WDR70: variants seen among roughly 807,000 people sequenced by gnomAD.
WDR70 encodes the protein WD repeat-containing protein 70.
WDR70 carries 53 observed loss-of-function variants against 88.6 expected under a neutral mutation model. The ratio of observed to expected loss-of-function variants is 0.60; its 90% confidence interval spans 0.48 to 0.75. The LOEUF (loss-of-function observed/expected upper bound fraction) is 0.75. WDR70 is among the 30% of genes least tolerant of loss of function. The pLI is 0.00. For missense variants in WDR70, 610 were observed against 823.2 expected, an observed-to-expected ratio of 0.74 and a Z score of 3.17; for synonymous variants, 280 against 270.0, an observed-to-expected ratio of 1.04 and a Z score of -0.36.
intron 13 of WDR70, among the ~76,000 whole-genome samples, chr5:37,705,203 T>C (rs982805479): frequency 6.6e-6 from 1 of 152,082 alleles, no homozygotes; most frequent in African/African-American, 2.4e-5. Flanking sequence ...GAAGAGACAG[T>C]TTTGGTAAAA....
At chr5:37,531,942 G>T (rs900325619) in intron 9 of WDR70, among the ~76,000 whole-genome samples, 3 of 152,016 alleles carry the variant, frequency 2.0e-5, no homozygotes, top group African/African-American at 7.2e-5. Context: ...AGTTCTTGTA[G>T]TGTTGGCCTG....
intron 9 of WDR70, among the ~76,000 whole-genome samples, chr5:37,596,032 T>A (rs1743690260): frequency 6.6e-6 from 1 of 152,184 alleles, no homozygotes. Flanking sequence ...GGGGTTTTGT[T>A]TATAAATTAC....
intron 10 of WDR70, among the ~76,000 whole-genome samples, chr5:37,696,358 T>G (rs1009602425): frequency 1.3e-5 from 2 of 152,196 alleles, no homozygotes; most frequent in African/African-American, 4.8e-5. Context: ...CCTGCTTTTG[T>G]AAGGTGGTGT....
At chr5:37,566,261 A>G (rs1742737806) in intron 9 of WDR70, among the ~76,000 whole-genome samples, 1 of 151,752 alleles carries the variant, frequency 6.6e-6, no homozygotes, top group African/African-American at 2.4e-5. Flanking sequence ...TGCATTAAAT[A>G]CTTGTTAGTA....
At chr5:37,411,945 CTTTT>C (rs918351626) in intron 5 of WDR70, among the ~76,000 whole-genome samples, 1 of 151,430 alleles carries the variant, frequency 6.6e-6, no homozygotes, top group African/African-American at 2.4e-5. Context: ...TTTTGATAAA[CTTTT>C]TTTTACTTAT....
At chr5:37,572,545 AACAT>A (rs1448343653) in intron 9 of WDR70, among the ~76,000 whole-genome samples, 1 of 152,072 alleles carries the variant, frequency 6.6e-6, no homozygotes, top group African/African-American at 2.4e-5. Flanking sequence ...TCAGAGGAGA[AACAT>A]ACATTGTACC....
intron 9 of WDR70, among the ~76,000 whole-genome samples, chr5:37,600,640 A>C (rs1174158892): frequency 6.6e-6 from 1 of 152,224 alleles, no homozygotes; most frequent in Non-Finnish European, 1.5e-5. Context: ...CAAATGCCCA[A>C]TAAGCACACG....
rs998968935 is a variant in WDR70, at chr5:37,591,244, A to C, written c.918-13820A>C. The stretch of plus-strand genomic sequence containing the variant: ...GCTACTTGGGAGGCCAAGGCAGGAG[A>C]ATCTCTCGAACCTGGGAGGTGGAGG... On this transcript the variant is annotated intron_variant, in intron 9 of 17. Transcript: ENST00000265107. Among the ~76,000 whole-genome samples the C allele has an allele frequency of 2.0e-5, 3 of 152,138 alleles. No individual in the cohort carries two copies. In the East Asian group the frequency reaches 5.8e-4, roughly 29 times the overall value.
intron 5 of WDR70, among the ~76,000 whole-genome samples, chr5:37,431,061 C>CT (rs1397972630): frequency 6.6e-6 from 1 of 152,120 alleles, no homozygotes; most frequent in Non-Finnish European, 1.5e-5. Context: ...ACTGTGTTGG[C>CT]TAGGCTGGTC....
chr5:37,685,944 G>A (rs559847847), intron 10 of WDR70, among the ~76,000 whole-genome samples: 57 of 152,170 alleles, frequency 3.7e-4, no homozygotes, highest in African/African-American at 9.9e-4. Context: ...CTGTCTACTC[G>A]CAGTGTCTTC....
In WDR70 at chr5:37,720,302, A is replaced by G. The variant is rs187249744; in HGVS notation, c.1417-813A>G. ...CAGAGTGAGTTCTATAGAACCTAGT[A>G]CATGGGGTTTCTGTTTACTAACATT... On this transcript the variant is annotated intron_variant, in intron 13 of 17. Coordinates refer to ENST00000265107, the MANE Select transcript of WDR70 (RefSeq NM_018034.4). Among the ~76,000 whole-genome samples the G allele has an allele frequency of 1.1e-3, 175 of 152,292 alleles. 1 individual carries two copies. The highest frequency in any genetic ancestry group is 2.1e-3 in the Non-Finnish European group (141 of 68,014).
intron 7 of WDR70, among the ~76,000 whole-genome samples, chr5:37,456,138 A>G (rs1011661253): frequency 1.3e-5 from 2 of 152,206 alleles, no homozygotes; most frequent in African/African-American, 4.8e-5. Context: ...TTGCTTTGTC[A>G]GATGATATGT....
intron 8 of WDR70, among the ~76,000 whole-genome samples, chr5:37,505,375 A>G (rs1369314483): frequency 6.6e-6 from 1 of 152,150 alleles, no homozygotes; most frequent in Non-Finnish European, 1.5e-5. Flanking sequence ...GTGTAAATAG[A>G]TAGAATTGCT....
At chr5:37,503,063 A>G (rs1328093857) in intron 8 of WDR70, among the ~76,000 whole-genome samples, 1 of 152,124 alleles carries the variant, frequency 6.6e-6, no homozygotes, top group Non-Finnish European at 1.5e-5. Context: ...ATGGTCAGTT[A>G]TCTTTTTGAT....
intron 3 of WDR70, among the ~76,000 whole-genome samples, chr5:37,388,407 C>T (rs575903565): frequency 7.5e-5 from 11 of 146,136 alleles, no homozygotes; most frequent in Non-Finnish European, 1.0e-4. Context: ...TGAGCCACCA[C>T]GCCCAGCTGA....
At chr5:37,611,422 G>A (rs1479940405) in intron 10 of WDR70, among the ~76,000 whole-genome samples, 1 of 151,970 alleles carries the variant, frequency 6.6e-6, no homozygotes, top group Non-Finnish European at 1.5e-5. Context: ...TTGTTAGCAA[G>A]AAGGAAGAAT....
chr5:37,732,186 C>T (rs1405241127), intron 17 of WDR70, among the ~76,000 whole-genome samples: 1 of 152,026 alleles, frequency 6.6e-6, no homozygotes, highest in Non-Finnish European at 1.5e-5. Flanking sequence ...CCAACTGCCT[C>T]AATTTATTAT....
At chr5:37,659,232 A>G (rs941882463) in intron 10 of WDR70, among the ~76,000 whole-genome samples, 1 of 152,248 alleles carries the variant, frequency 6.6e-6, no homozygotes, top group Admixed American at 6.5e-5. Context: ...AAATAGATTA[A>G]TACTTCCTAG....
chr5:37,740,591 A>C (rs1221597808), intron 17 of WDR70, among the ~76,000 whole-genome samples: 2 of 152,186 alleles, frequency 1.3e-5, no homozygotes, highest in Non-Finnish European at 2.9e-5. Context: ...GAATGAGAGA[A>C]AATTCCTTCT....
Sources: allele counts gnomAD v4.1 joint callset (sites outside exome capture counted in the v4.1 genomes callset), GRCh38; gene constraint gnomAD v4.1.1; transcripts MANE v1.5; gene names NCBI Gene and HGNC (gene_info 2026-07-23, HGNC 2026-07-21).